The following ATP10B variants were observed in gnomAD, a reference collection of about 807,000 sequenced individuals.
ATP10B encodes phospholipid-transporting ATPase VB.
Under a neutral mutation model 141.2 loss-of-function variants are expected in ATP10B, and 122 were observed. The ratio of observed to expected loss-of-function variants is 0.86; its 90% CI spans 0.75 to 1.00. The LOEUF (loss-of-function observed/expected upper bound fraction) is 1.00. Ranked by LOEUF, ATP10B falls within the 50% of genes least tolerant of loss-of-function variation. The pLI is 0.00. For synonymous variants in ATP10B, 685 were observed against 692.0 expected, an observed-to-expected ratio of 0.99 and a Z score of 0.16; for missense variants, 1,876 against 1,825.3, an observed-to-expected ratio of 1.03 and a Z score of -0.51.
At position 160,712,804 on chromosome 5, in the gene ATP10B, G is replaced by A. The variant is rs1370960319; in HGVS notation, c.-205+4105C>T. On this transcript the variant is annotated intron_variant, in intron 3 of 25. Coordinates refer to ENST00000327245, the MANE Select transcript of ATP10B (RefSeq NM_025153.3). The stretch of plus-strand genomic sequence containing the variant: ...CTTTGAATGCGTCCCAGAGATTCTG[G>A]TATGTGGTGTCTTTGTTCTCGTTGG... Among the ~76,000 whole-genome samples the A allele has an allele frequency of 3.7e-4, 9 of 24,082 alleles. 4 individuals carry two copies. Among genetic ancestry groups the A allele is most frequent in the Non-Finnish European group, 6.1e-4 (9 of 14,636 alleles). 15.8% of individuals were successfully genotyped at this position (24,082 alleles called of 152,430 possible).
intron 2 of ATP10B, among the ~76,000 whole-genome samples, chr5:160,783,380 CAT>C (rs202225620): frequency 1.7e-4 from 23 of 136,888 alleles, no homozygotes; most frequent in African/African-American, 3.2e-4. Flanking sequence ...AGTATTTCAT[CAT>C]ATATATATAT....
At position 160,693,795 on chromosome 5, in the gene ATP10B, A is replaced by G. The variant is rs543095167; in HGVS notation, c.-204-4852T>C. ...CCTCGCATGCACAATTCACAATAGC[A>G]TTGCATTCCTATGAGAATTTAATGT... On this transcript the variant is annotated intron_variant, in intron 3 of 25. Coordinates refer to ENST00000327245, the MANE Select transcript of ATP10B (RefSeq NM_025153.3). Among the ~76,000 whole-genome samples, 31 of 152,336 alleles carry G rather than the reference A, an allele frequency of 2.0e-4. No individual in the cohort carries two copies. In the South Asian group the frequency reaches 5.6e-3, roughly 27 times the overall value.
At chr5:160,811,022 G>T (rs940941726) in intron 1 of ATP10B, among the ~76,000 whole-genome samples, 1 of 152,130 alleles carries the variant, frequency 6.6e-6, no homozygotes, top group African/African-American at 2.4e-5. Flanking sequence ...TTTGAGTCCC[G>T]CTTTGCAGGA....
At chr5:160,770,217 T>C (rs2127854846) in intron 2 of ATP10B, among the ~76,000 whole-genome samples, 1 of 152,212 alleles carries the variant, frequency 6.6e-6, no homozygotes, top group Non-Finnish European at 1.5e-5. Flanking sequence ...TCTCTGCCTT[T>C]CTTGCTTTCT....
chr5:160,653,752 CATAA>C (rs1490058560), intron 7 of ATP10B, among the ~76,000 whole-genome samples: 63 of 97,494 alleles, frequency 6.5e-4, no homozygotes, highest in African/African-American at 2.2e-3. Flanking sequence ...ATTACATATA[CATAA>C]ATATATATAA....
intron 24 of ATP10B, among the ~76,000 whole-genome samples, chr5:160,577,825 T>A (rs893920619): frequency 6.6e-6 from 1 of 152,160 alleles, no homozygotes; most frequent in African/African-American, 2.4e-5. Flanking sequence ...CAAATTCCTT[T>A]GTGATTTAGA....
At chr5:160,893,895 G>A in the ATP10B span, among the ~76,000 whole-genome samples, 4 of 152,160 alleles carry the variant, frequency 2.6e-5, no homozygotes, top group African/African-American at 4.8e-5. Context: ...TGATACCCAG[G>A]CAAACAGGGT....
rs543205659 is a variant in ATP10B at position 160,813,911 on chromosome 5, T to C, written c.-575-28108A>G. On this transcript the variant is annotated intron_variant, in intron 1 of 25. Transcript: ENST00000327245. ...CCTCCAGCAAACTCCAACAGACCTG[T>C]AGCTGAGGGTCCTGACTGTTAGAAG... Among the ~76,000 whole-genome samples the C allele has an allele frequency of 7.0e-3, 1,063 of 152,260 alleles. 18 individuals carry two copies. Among genetic ancestry groups the C allele is most frequent in the African/African-American group, 0.024 (1,001 of 41,536 alleles).
At chr5:160,706,125 T>G (rs1764998640) in intron 3 of ATP10B, among the ~76,000 whole-genome samples, 1 of 152,176 alleles carries the variant, frequency 6.6e-6, no homozygotes. Flanking sequence ...CCCAAAATGA[T>G]TACAATAGTA....
rs1220300314 is a variant in ATP10B at position 160,565,745 on chromosome 5, G to A, written c.4094C>T (p.Thr1365Ile). 2 of 1,614,012 alleles carry A rather than the reference G, an allele frequency of 1.2e-6. No homozygotes were observed. Among genetic ancestry groups the A allele is most frequent in the Admixed American group, 3.3e-5 (2 of 60,024 alleles). The change falls in exon 26 of 26, where the codon ACT becomes ATT. Residue 1365 changes from threonine to isoleucine, a missense_variant. Thr to Ile is a moderately conservative substitution (Grantham distance 89). Transcript: ENST00000327245. ...TGTGATAGATGACACTGGGTGGTGA[G>A]TTGGTCGAGCCACTTCGGGGACAGG... ...PAPVPEVARP[T>I]HHPVSSITGQ...
chr5:160,785,202 G>C (rs1771048221), intron 2 of ATP10B, among the ~76,000 whole-genome samples: 1 of 152,028 alleles, frequency 6.6e-6, no homozygotes, highest in South Asian at 2.1e-4. Context: ...CTTCTTATGA[G>C]GGCCAACAAC....
intron 1 of ATP10B, among the ~76,000 whole-genome samples, chr5:160,811,996 G>GAGAGACAGAGAC (rs1295867615): frequency 1.4e-5 from 2 of 144,802 alleles, no homozygotes; most frequent in Non-Finnish European, 3.0e-5. Flanking sequence ...GCTCTGAACA[G>GAGAGACAGAGAC]AGAGACAGAG....
intron 7 of ATP10B, among the ~76,000 whole-genome samples, chr5:160,653,497 T>TA (rs1449378485): frequency 1.1e-3 from 9 of 8,046 alleles, no homozygotes; most frequent in East Asian, 0.015. Flanking sequence ...TATATACATA[T>TA]GTACATATAT....
At position 160,662,781 on chromosome 5, in the gene ATP10B, C is replaced by A. The variant is rs1030134209; in HGVS notation, c.675+7682G>T. Reference sequence around the variant, plus strand: ...ACACCAAAAGCAATGGCAACAAAAGCCAAAATTGACAAATGGGATCTAATT... The same window carrying A: ...ACACCAAAAGCAATGGCAACAAAAGACAAAATTGACAAATGGGATCTAATT... On this transcript the variant is annotated intron_variant, in intron 7 of 25. Transcript: ENST00000327245. 1.8e-3 allele frequency among the ~76,000 whole-genome samples: 270 copies of A among 152,218 alleles called. 4 individuals are homozygous for A. The highest frequency in any genetic ancestry group is 0.016 in the East Asian group (83 of 5,174).
chr5:160,685,382 G>T (rs2127743865), intron 6 of ATP10B: 1 of 541,796 alleles, frequency 1.8e-6, no homozygotes, highest in East Asian at 3.1e-5. Flanking sequence ...AGCCTGCAGA[G>T]AACAGGTGTG....
At chr5:160,880,822 A>C in the ATP10B span, among the ~76,000 whole-genome samples, 2 of 152,234 alleles carry the variant, frequency 1.3e-5, no homozygotes, top group Non-Finnish European at 2.9e-5. Context: ...AATATAAAAT[A>C]CAAAACTATA....
At chr5:160,653,595 A>C (rs1354866438) in intron 7 of ATP10B, among the ~76,000 whole-genome samples, 1 of 117,740 alleles carries the variant, frequency 8.5e-6, no homozygotes, top group African/African-American at 3.5e-5. Context: ...ATATACATAT[A>C]TACATATATA....
chr5:160,563,761 G>GA lies in ATP10B; in HGVS notation c.*1691dup, dbSNP rs1418109748. On this transcript the variant is annotated 3_prime_UTR_variant, in exon 26 of 26. Coordinates refer to ENST00000327245, the MANE Select transcript of ATP10B (RefSeq NM_025153.3). ...TTTTAGTAGTAGCCAGAAATTGGGG[G>GA]AAAAATTGAGGTACCTGAGATCCAA... The GA allele has an allele frequency of 5.3e-5, 8 of 152,206 alleles. No individual in the cohort carries two copies. The South Asian group carries it at 1.5e-3, about 28-fold the overall frequency. The allele number at this position is 152,206 out of a possible 1,614,324, so 9.4% of individuals were successfully genotyped here.
chr5:160,829,267 G>C lies in ATP10B; in HGVS notation c.-576+22674C>G, dbSNP rs77265245. ...CCTTATCAAAAATTAGATGGTTGTAGGTTTATGGTTTTATTTCTGGTTTTT... is the reference window on the plus strand; with the variant it reads ...CCTTATCAAAAATTAGATGGTTGTACGTTTATGGTTTTATTTCTGGTTTTT... On this transcript the variant is annotated intron_variant, in intron 1 of 25. Transcript: ENST00000327245. Among the ~76,000 whole-genome samples the C allele has an allele frequency of 6.0e-3, 913 of 152,042 alleles. 12 individuals carry two copies. The highest frequency in any genetic ancestry group is 0.021 in the African/African-American group (869 of 41,480).
Sources: gnomAD v4.1 joint callset for allele counts (sites outside exome capture counted in the v4.1 genomes callset) on GRCh38, gnomAD v4.1.1 for gene constraint, MANE v1.5 for transcripts, NCBI Gene and HGNC (gene_info 2026-07-23, HGNC 2026-07-21) for gene names.